The following DEPTOR variants were observed in gnomAD, a reference collection of about 807,000 sequenced individuals.
DEPTOR encodes the protein DEP domain-containing mTOR-interacting protein.
Under a neutral mutation model 41.6 loss-of-function variants are expected in DEPTOR, and 41 were observed. That is an observed-to-expected ratio of 0.98 (90% confidence interval 0.77 to 1.28). The LOEUF (loss-of-function observed/expected upper bound fraction) is 1.28, where lower values mean the gene tolerates loss of function less well. DEPTOR is among the 50% of genes most tolerant of loss of function. The pLI is 0.00. For missense variants in DEPTOR, 514 were observed against 527.9 expected (o/e 0.97, Z 0.26); for synonymous variants, 195 against 192.3 (o/e 1.01, Z -0.12).
At chr8:119,888,858 C>CAAAAAAAAAA (rs34471575) in intron 1 of DEPTOR, among the ~76,000 whole-genome samples, 1 of 63,864 alleles carries the variant, frequency 1.6e-5, no homozygotes. Context: ...TCTGTCTCAG[C>CAAAAAAAAAA]AAAAAAAAAA....
At chr8:119,935,034 T>C (rs1828091097) in intron 3 of DEPTOR, among the ~76,000 whole-genome samples, 1 of 151,962 alleles carries the variant, frequency 6.6e-6, no homozygotes, top group Non-Finnish European at 1.5e-5. Context: ...GATGCCCTGA[T>C]GTTGTCATTT....
chr8:120,028,318 G>A (rs551302272), intron 8 of DEPTOR, among the ~76,000 whole-genome samples: 10 of 151,688 alleles, frequency 6.6e-5, no homozygotes, highest in South Asian at 2.1e-4. Context: ...ACTACGCCTG[G>A]CCTAAATGAT....
At chr8:119,894,732 A>G (rs1827494607) in intron 1 of DEPTOR, among the ~76,000 whole-genome samples, 2 of 152,188 alleles carry the variant, frequency 1.3e-5, no homozygotes, top group Admixed American at 1.3e-4. Context: ...TGAATTTACT[A>G]TTATTAATAG....
chr8:119,930,757 G>T (rs1828031949), intron 3 of DEPTOR, among the ~76,000 whole-genome samples: 1 of 152,070 alleles, frequency 6.6e-6, no homozygotes, highest in South Asian at 2.1e-4. Flanking sequence ...CGAATCTTCT[G>T]AGTGGCCATC....
At chr8:120,007,102 C>G (rs183406591) in intron 7 of DEPTOR, among the ~76,000 whole-genome samples, 1 of 152,182 alleles carries the variant, frequency 6.6e-6, no homozygotes, top group East Asian at 1.9e-4. Context: ...TTGATGTGTT[C>G]TTTGTTAAAG....
intron 3 of DEPTOR, among the ~76,000 whole-genome samples, chr8:119,935,372 G>T (rs113287591): frequency 0.016 from 2,410 of 152,194 alleles, 66 homozygotes; most frequent in African/African-American, 0.055. Flanking sequence ...TGGTAGAAAG[G>T]GTTTTGAGTG....
intron 8 of DEPTOR, among the ~76,000 whole-genome samples, chr8:120,028,532 C>T (rs1008089029): frequency 1.3e-5 from 2 of 148,662 alleles, no homozygotes; most frequent in South Asian, 2.2e-4. Context: ...GATCTCGGCT[C>T]ACTGCAACCT....
chr8:119,926,139 G>A (rs537236923), intron 1 of DEPTOR, among the ~76,000 whole-genome samples: 1 of 152,230 alleles, frequency 6.6e-6, no homozygotes, highest in East Asian at 1.9e-4. Flanking sequence ...GGGAGATTCT[G>A]TGCTCCGATT....
chr8:119,889,544 C>G (rs1827419061), intron 1 of DEPTOR, among the ~76,000 whole-genome samples: 1 of 115,370 alleles, frequency 8.7e-6, no homozygotes. Flanking sequence ...GAGAGCTTGT[C>G]TCAGAAAGGA....
chr8:119,967,414 C>T (rs1828576660), intron 4 of DEPTOR, among the ~76,000 whole-genome samples: 2 of 149,246 alleles, frequency 1.3e-5, no homozygotes, highest in Non-Finnish European at 2.9e-5. Context: ...AGTTAACCAA[C>T]GTAGGTCAGA....
At chr8:119,917,113 A>G (rs1437703998) in intron 1 of DEPTOR, among the ~76,000 whole-genome samples, 2 of 152,334 alleles carry the variant, frequency 1.3e-5, no homozygotes, top group East Asian at 1.9e-4. Context: ...CAAGAGATCT[A>G]CGGGGCTGTG....
chr8:120,029,770 G>A (rs890866263), intron 8 of DEPTOR, among the ~76,000 whole-genome samples: 1 of 151,984 alleles, frequency 6.6e-6, no homozygotes. Flanking sequence ...ATAATACCTA[G>A]ACCCATATCC....
chr8:119,943,242 G>T (rs1466357172), intron 3 of DEPTOR, among the ~76,000 whole-genome samples: 1 of 152,204 alleles, frequency 6.6e-6, no homozygotes, highest in Non-Finnish European at 1.5e-5. Flanking sequence ...GCCATTGAAG[G>T]CCACTGTATT....
chr8:120,004,184 G>T (rs1812398463), intron 6 of DEPTOR, among the ~76,000 whole-genome samples: 1 of 152,162 alleles, frequency 6.6e-6, no homozygotes, highest in Non-Finnish European at 1.5e-5. Flanking sequence ...AGTTCAAAAG[G>T]CTTTGAGAGA....
At chr8:119,920,253 C>T (rs945424572) in intron 1 of DEPTOR, among the ~76,000 whole-genome samples, 1 of 152,134 alleles carries the variant, frequency 6.6e-6, no homozygotes, top group African/African-American at 2.4e-5. Context: ...ATAATATGCA[C>T]GAATTAACTT....
chr8:119,876,709 T>C (rs1827235668), intron 1 of DEPTOR, among the ~76,000 whole-genome samples: 1 of 151,540 alleles, frequency 6.6e-6, no homozygotes, highest in Non-Finnish European at 1.5e-5. Flanking sequence ...GAGGATTAGA[T>C]GAGTTGCGCT....
Position 120,021,058 on chromosome 8 carries a change from C to CAAAATAAAAT in DEPTOR, c.1101+11947_1101+11956dup, listed in dbSNP as rs147729205. Among the ~76,000 whole-genome samples, 1,087 of 119,912 alleles carry CAAAATAAAAT rather than the reference C, an allele frequency of 9.1e-3. 49 individuals are homozygous for CAAAATAAAAT. Among genetic ancestry groups the CAAAATAAAAT allele is most frequent in the African/African-American group, 0.03 (872 of 29,048 alleles). 78.7% of individuals were successfully genotyped at this position (119,912 alleles called of 152,430 possible). On this transcript the variant is annotated intron_variant, in intron 8 of 8. Transcript: ENST00000286234. The stretch of plus-strand genomic sequence containing the variant: ...TGGGTGACACAGCGAGACTCTGTCT[C>CAAAATAAAAT]AAAATAAAATAAAATAAAATAAAAT...
At chr8:120,009,993 T>C (rs1488572486) in intron 8 of DEPTOR, among the ~76,000 whole-genome samples, 1 of 152,200 alleles carries the variant, frequency 6.6e-6, no homozygotes, top group East Asian at 1.9e-4. Context: ...CCTGTGGGGT[T>C]TATGTAACCG....
chr8:119,923,516 A>G (rs1827924996), intron 1 of DEPTOR, among the ~76,000 whole-genome samples: 1 of 152,188 alleles, frequency 6.6e-6, no homozygotes, highest in African/African-American at 2.4e-5. Flanking sequence ...TCCTGAGATT[A>G]TACGTGTGAG....
Sources: allele counts gnomAD v4.1 joint callset (sites outside exome capture counted in the v4.1 genomes callset), GRCh38; gene constraint gnomAD v4.1.1; transcripts MANE v1.5; gene names NCBI Gene and HGNC (gene_info 2026-07-23, HGNC 2026-07-21).